The following NLRP7 variants were observed in gnomAD, a reference collection of about 807,000 sequenced individuals.
The protein encoded by NLRP7 is NLR family pyrin domain containing 7, also known as NACHT, LRR and PYD domains-containing protein 7.
In NLRP7, 72 loss-of-function variants were observed where a neutral mutation model predicts 85.5. That is an observed-to-expected ratio of 0.84 (90% CI 0.70 to 1.02). The LOEUF (loss-of-function observed/expected upper bound fraction) is 1.02. Among genes scored for constraint, NLRP7 ranks in the 50% least tolerant of loss-of-function variants. The pLI, the probability that NLRP7 is intolerant of heterozygous loss-of-function variation, is 0.00. For synonymous variants in NLRP7, 550 were observed against 505.2 expected (o/e 1.09, Z -1.19); for missense variants, 1,243 against 1,219.5 (o/e 1.02, Z -0.29).
At chr19:54,945,394 C>T (rs1261742087) in intron 1 of NLRP7, among the ~76,000 whole-genome samples, 1 of 151,176 alleles carries the variant, frequency 6.6e-6, no homozygotes, top group African/African-American at 2.4e-5. Context: ...CCTCGGCCTC[C>T]CAAGTAGCTG....
exon 4 of NLRP7, chr19:54,939,069 C>T: frequency 6.2e-7 from 1 of 1,614,234 alleles, no homozygotes; most frequent in African/African-American, 1.3e-5. Context: ...ACCACCTTCG[C>T]CAGCTCCTCC....
upstream of NLRP7, among the ~76,000 whole-genome samples, chr19:54,949,891 C>T (rs1602216453): frequency 2.6e-5 from 4 of 152,004 alleles, no homozygotes; most frequent in South Asian, 8.3e-4. Context: ...TTGCTTGAGC[C>T]CAAGAATTCT....
chr19:54,951,824 C>T (rs2069679040), upstream of NLRP7, among the ~76,000 whole-genome samples: 1 of 151,682 alleles, frequency 6.6e-6, no homozygotes. Context: ...AATCTCTGCT[C>T]ACTGCAAGCT....
chr19:54,947,326 C>CAAAA, intron 1 of NLRP7, 143 bp downstream of exon 1: 1 of 460,104 alleles, frequency 2.2e-6, no homozygotes, highest in Non-Finnish European at 3.5e-6. Context: ...GACTCCGTCT[C>CAAAA]AAAAAAAAAA....
At chr19:54,927,670 C>G in intron 9 of NLRP7, 1 of 1,614,142 alleles carries the variant, frequency 6.2e-7, no homozygotes, top group Middle Eastern at 1.6e-4. Context: ...TGCCACTCTT[C>G]CACAAATGAT....
exon 2 of NLRP7, chr19:54,941,726 G>A (rs908243815): frequency 6.2e-7 from 1 of 1,609,968 alleles, no homozygotes; most frequent in African/African-American, 1.3e-5. Flanking sequence ...CTCCGAGTAT[G>A]AGACCTTAGG....
chr19:54,940,352 C>A (rs61746625), exon 4 of NLRP7: 1 of 1,614,114 alleles, frequency 6.2e-7, no homozygotes, highest in Non-Finnish European at 8.5e-7. Flanking sequence ...TGGAATGAAC[C>A]GTTGGTTTCT....
intron 9 of NLRP7, among the ~76,000 whole-genome samples, chr19:54,929,640 A>G (rs1450051745): frequency 6.6e-6 from 1 of 152,024 alleles, no homozygotes; most frequent in Non-Finnish European, 1.5e-5. Flanking sequence ...CTTCCTGATT[A>G]CTGGATCCCA....
chr19:54,947,409 A>C (rs1285000723), intron 1 of NLRP7, 60 bp downstream of exon 1: 2 of 1,208,194 alleles, frequency 1.7e-6, no homozygotes, highest in Non-Finnish European at 2.2e-6. Flanking sequence ...AAACTCAACC[A>C]ATAGCTTCTT....
chr19:54,956,165 A>AAGG (rs745617737), intron 1 of NLRP7, among the ~76,000 whole-genome samples: 2 of 150,338 alleles, frequency 1.3e-5, no homozygotes, highest in African/African-American at 5.0e-5. Context: ...GGAAGGAGGG[A>AAGG]AGGGAAGGAG....
chr19:54,939,715 A>T (rs1654636), exon 4 of NLRP7: 6 of 1,610,912 alleles, frequency 3.7e-6, no homozygotes, highest in Non-Finnish European at 4.2e-6. Context: ...TCGTGCACAC[A>T]ATCCAGCACA....
chr19:54,957,162 C>A (rs985966794), intron 1 of NLRP7, among the ~76,000 whole-genome samples: 1 of 151,748 alleles, frequency 6.6e-6, no homozygotes, highest in Non-Finnish European at 1.5e-5. Context: ...GCTGGGATTA[C>A]AGGGCACACC....
At chr19:54,933,268 C>A (rs927817952) in intron 8 of NLRP7, among the ~76,000 whole-genome samples, 1 of 152,102 alleles carries the variant, frequency 6.6e-6, no homozygotes, top group Non-Finnish European at 1.5e-5. Context: ...GTCTCATCCT[C>A]CCAAGTAGCT....
intron 1 of NLRP7, among the ~76,000 whole-genome samples, chr19:54,959,412 C>G (rs1243972075): frequency 7.3e-5 from 11 of 151,438 alleles, no homozygotes; most frequent in East Asian, 3.9e-4. Context: ...GCTGGGATTA[C>G]AGGCGTGAGC....
At chr19:54,957,608 C>A (rs1487477664) in intron 1 of NLRP7, among the ~76,000 whole-genome samples, 1 of 151,806 alleles carries the variant, frequency 6.6e-6, no homozygotes, top group African/African-American at 2.4e-5. Context: ...GCCTCCCAAA[C>A]TGCTGGGATC....
chr19:54,943,583 A>C (rs1050622845), intron 1 of NLRP7, among the ~76,000 whole-genome samples: 23 of 138,808 alleles, frequency 1.7e-4, no homozygotes, highest in African/African-American at 6.0e-4. Flanking sequence ...CCTGGGCGAC[A>C]GAGCGAGACT....
chr19:54,955,729 G>C (rs1398802856), intron 1 of NLRP7, among the ~76,000 whole-genome samples: 2 of 152,126 alleles, frequency 1.3e-5, no homozygotes, highest in Non-Finnish European at 2.9e-5. Context: ...GTAGGTTGCA[G>C]TGAGCCAAGA....
At chr19:54,926,405 G>C (rs1054338572) in intron 9 of NLRP7, among the ~76,000 whole-genome samples, 4 of 152,124 alleles carry the variant, frequency 2.6e-5, no homozygotes, top group Non-Finnish European at 4.4e-5. Context: ...GCTATAGAAA[G>C]ATGCCTTAAG....
chr19:54,956,527 T>TA (rs11382567), intron 1 of NLRP7, among the ~76,000 whole-genome samples: 61,621 of 149,900 alleles, frequency 0.41, 15,506 homozygotes, highest in African/African-American at 0.73. Context: ...CCATCTCTAC[T>TA]AAAAAAAAAT....
Sources: allele counts gnomAD v4.1 joint callset (sites outside exome capture counted in the v4.1 genomes callset), GRCh38; gene constraint gnomAD v4.1.1; transcripts MANE v1.5; gene names NCBI Gene and HGNC (gene_info 2026-07-23, HGNC 2026-07-21).